The following C5orf47 variants were observed in gnomAD, a reference collection of about 807,000 sequenced individuals.
C5orf47 encodes the protein chromosome 5 open reading frame 47, also known as uncharacterized protein C5orf47.
Under a neutral mutation model 20.6 loss-of-function variants are expected in C5orf47, and 20 were observed. That is an observed-to-expected ratio of 0.97 (90% CI 0.68 to 1.41). C5orf47 has a LOEUF of 1.41. Ranked by LOEUF, C5orf47 falls within the 40% of genes most tolerant of loss-of-function variation. The probability of loss-of-function intolerance (pLI) is 0.00; values close to 1 mark genes in which losing one functional copy is unlikely to be tolerated. For synonymous variants in C5orf47, 106 were observed against 97.3 expected (o/e 1.09, Z -0.53); for missense variants, 262 against 238.4 (o/e 1.10, Z -0.65).
At position 173,998,238 on chromosome 5, in the gene C5orf47, G is replaced by A; in HGVS notation, c.411G>A (p.Lys137=). The change falls in exon 2 of 5, where the codon AAG becomes AAA. Residue 137 remains lysine (K), a splice_region_variant and synonymous_variant. Coordinates refer to ENST00000340147, the MANE Select transcript of C5orf47 (RefSeq NM_001144954.2). The stretch of plus-strand genomic sequence containing the variant: ...CCAAAATAATGAAGAAAAAGAAAAA[G>A]GTATATTGCTGTAAAGGAGAATGAG... ...EASKIMKKKK[K]VLVWNRVYKV... is the part of the protein sequence containing the mutation. 1 of 1,478,392 alleles carries A rather than the reference G, an allele frequency of 6.8e-7. No individual in the cohort carries two copies. Among genetic ancestry groups the A allele is most frequent in the East Asian group, 2.5e-5 (1 of 40,516 alleles). 91.6% of individuals were successfully genotyped at this position (1,478,392 alleles called of 1,614,324 possible). A position where few individuals can be genotyped will look rare whatever the true frequency, so the allele number is the denominator to read the frequency against.
rs60399694 is a variant in C5orf47, at chr5:174,004,548, A to T, written c.*294A>T. On this transcript the variant is annotated 3_prime_UTR_variant, in exon 5 of 5. Coordinates refer to ENST00000340147, the MANE Select transcript of C5orf47 (RefSeq NM_001144954.2). ...TTAAATTAACCTCATACATAAAATT[A>T]AATTAGCATATCAATGCAATTGCAT... 0.16 allele frequency: 23,944 copies of T among 152,232 alleles called. 2,454 individuals are homozygous for T. The highest frequency in any genetic ancestry group is 0.29 in the African/African-American group (11,859 of 41,478). The allele number at this position is 152,232 out of a possible 1,614,324, so 9.4% of individuals were successfully genotyped here. A position where few individuals can be genotyped will look rare whatever the true frequency, so the allele number is the denominator to read the frequency against.
chr5:174,007,334 A>G (rs367994531), downstream of C5orf47, among the ~76,000 whole-genome samples: 2 of 152,202 alleles, frequency 1.3e-5, no homozygotes, highest in African/African-American at 4.8e-5. Context: ...ACCATTAAAG[A>G]CCCAAAGGAC....
intron 4 of C5orf47, 139 bp downstream of exon 4, chr5:174,001,370 C>A: frequency 1.7e-6 from 1 of 588,420 alleles, no homozygotes; most frequent in Non-Finnish European, 3.0e-6. Context: ...CAGTGTTTGG[C>A]ACATAGTAGG....
intron 1 of C5orf47, among the ~76,000 whole-genome samples, chr5:173,996,728 GA>G (rs1297533639): frequency 1.3e-5 from 2 of 152,042 alleles, no homozygotes; most frequent in Non-Finnish European, 2.9e-5. Context: ...GCTATAAATA[GA>G]AATTAATTAG....
Position 173,989,622 on chromosome 5 carries a change from G to T in C5orf47, c.325+34G>T, listed in dbSNP as rs888742731. On this transcript the variant is annotated intron_variant, in intron 1 of 4. Transcript: ENST00000340147. ...GCGGGGCAGGGCGGGACCGGGCGCG[G>T]CGGGGCGGGACGGGGCGGAGCGGGC... The T allele has an allele frequency of 1.0e-5, 14 of 1,382,680 alleles. No individual in the cohort carries two copies. In the African/African-American group the frequency reaches 1.4e-4, roughly 14 times the overall value. 85.7% of individuals were successfully genotyped at this position (1,382,680 alleles called of 1,614,324 possible).
intron 1 of C5orf47, among the ~76,000 whole-genome samples, chr5:173,990,908 C>T (rs1273102776): frequency 2.0e-5 from 3 of 152,190 alleles, no homozygotes; most frequent in Admixed American, 1.3e-4. Context: ...GTTCACAGTG[C>T]ATACAATTCA....
Position 173,998,143 on chromosome 5 carries a change from T to C in C5orf47, c.326-10T>C, listed in dbSNP as rs1759131786. 2.7e-6 allele frequency: 4 copies of C among 1,484,986 alleles called. No individual in the cohort carries two copies. In the South Asian group the frequency reaches 3.7e-5, roughly 14 times the overall value. 92.0% of individuals were successfully genotyped at this position (1,484,986 alleles called of 1,614,324 possible). A position where few individuals can be genotyped will look rare whatever the true frequency, so the allele number is the denominator to read the frequency against. On this transcript the variant is annotated splice_polypyrimidine_tract_variant and intron_variant, in intron 1 of 4. Coordinates refer to ENST00000340147, the MANE Select transcript of C5orf47 (RefSeq NM_001144954.2). ...TATGTTGACCTTTTCACTTTCTTCT[T>C]AAAAATTAGGTTTAATCCAGAAGGA...
intron 3 of C5orf47, among the ~76,000 whole-genome samples, chr5:174,000,660 G>T (rs968654950): frequency 2.0e-5 from 3 of 152,084 alleles, no homozygotes; most frequent in African/African-American, 7.2e-5. Flanking sequence ...ATGCCATTTT[G>T]CAAGCAGTGG....
At chr5:173,990,740 C>G (rs140230559) in intron 1 of C5orf47, among the ~76,000 whole-genome samples, 1 of 152,112 alleles carries the variant, frequency 6.6e-6, no homozygotes, top group African/African-American at 2.4e-5. Flanking sequence ...GCCAGGCCCT[C>G]TCTTGGTTTT....
downstream of C5orf47, among the ~76,000 whole-genome samples, chr5:174,008,570 C>T (rs538367980): frequency 1.4e-4 from 22 of 152,232 alleles, no homozygotes; most frequent in African/African-American, 4.3e-4. Flanking sequence ...TGGTGGCTCA[C>T]GCCTGTAATC....
At chr5:173,997,709 G>T (rs1312896304) in intron 1 of C5orf47, among the ~76,000 whole-genome samples, 1 of 150,192 alleles carries the variant, frequency 6.7e-6, no homozygotes, top group Admixed American at 6.7e-5. Flanking sequence ...TGCCTGGGAG[G>T]GTGTGTGTGT....
chr5:174,007,949 CTT>C (rs904863476), downstream of C5orf47, among the ~76,000 whole-genome samples: 4 of 152,160 alleles, frequency 2.6e-5, no homozygotes, highest in Non-Finnish European at 5.9e-5. Context: ...ACATTAATAA[CTT>C]TATGCTGATC....
chr5:174,001,176 A>AT lies in C5orf47; in HGVS notation c.512-14dup. The AT allele has an allele frequency of 1.3e-6, 2 of 1,509,424 alleles. No individual in the cohort carries two copies. Among genetic ancestry groups the AT allele is most frequent in the South Asian group, 1.2e-5 (1 of 81,712 alleles). 93.5% of individuals were successfully genotyped at this position (1,509,424 alleles called of 1,614,324 possible). On this transcript the variant is annotated intron_variant, in intron 3 of 4. Transcript: ENST00000340147. ...CTAGAGGCCAACTTAAATTTTCCTT[A>AT]TTTTTTATGTTGTTTGCAGGCTCAA...
At chr5:174,007,852 G>A (rs1759316240), downstream of C5orf47, among the ~76,000 whole-genome samples, 1 of 152,000 alleles carries the variant, frequency 6.6e-6, no homozygotes, top group African/African-American at 2.4e-5. Context: ...GAGCTACCAC[G>A]CCCAGTCCTC....
chr5:174,003,030 CT>C (rs1273426472), intron 4 of C5orf47, among the ~76,000 whole-genome samples: 4 of 152,102 alleles, frequency 2.6e-5, no homozygotes, highest in African/African-American at 9.7e-5. Flanking sequence ...AGGATTGCAT[CT>C]TGAGTTATGT....
rs1759269382 is a variant in C5orf47, at chr5:174,005,263, G to A, written c.*1009G>A. ...CAGTGATGACATCCATTCTTTTTTG[G>A]GGGCATTGAGAAGGTGGGCTTCCTA... On this transcript the variant is annotated 3_prime_UTR_variant, in exon 5 of 5. Transcript: ENST00000340147. 1 of 151,952 alleles carries A rather than the reference G, an allele frequency of 6.6e-6. No homozygotes were observed. Among genetic ancestry groups the A allele is most frequent in the Non-Finnish European group, 1.5e-5 (1 of 67,994 alleles). 9.4% of individuals were successfully genotyped at this position (151,952 alleles called of 1,614,324 possible). A position where few individuals can be genotyped will look rare whatever the true frequency, so the allele number is the denominator to read the frequency against.
intron 3 of C5orf47, 102 bp downstream of exon 3, chr5:173,999,901 T>G (rs1759165493): frequency 3.3e-6 from 2 of 611,728 alleles, no homozygotes; most frequent in Admixed American, 6.2e-5. Flanking sequence ...ATTGTCACAT[T>G]CAATATACAG....
intron 2 of C5orf47, among the ~76,000 whole-genome samples, chr5:173,999,139 A>G (rs975107810): frequency 6.6e-6 from 1 of 152,184 alleles, no homozygotes; most frequent in Non-Finnish European, 1.5e-5. Context: ...TTCCTAGATG[A>G]GATTAAAATA....
intron 1 of C5orf47, among the ~76,000 whole-genome samples, chr5:173,991,923 T>G (rs7703555): frequency 0.27 from 40,674 of 152,092 alleles, 5,693 homozygotes; most frequent in African/African-American, 0.31. Context: ...CTGTAACTAT[T>G]AGAACCTAGT....
Sources: gnomAD v4.1 joint callset for allele counts (sites outside exome capture counted in the v4.1 genomes callset) on GRCh38, gnomAD v4.1.1 for gene constraint, MANE v1.5 for transcripts, NCBI Gene and HGNC (gene_info 2026-07-23, HGNC 2026-07-21) for gene names.